The following MLIP variants were observed in gnomAD, a reference collection of about 807,000 sequenced individuals.
The protein encoded by MLIP is muscular LMNA interacting protein, also known as muscular LMNA-interacting protein.
MLIP carries 79 observed loss-of-function variants against 84.8 expected under a neutral mutation model. The ratio of observed to expected loss-of-function variants is 0.93; its 90% CI spans 0.78 to 1.12. The LOEUF (loss-of-function observed/expected upper bound fraction) is 1.12, where lower values mean the gene tolerates loss of function less well. Among genes scored for constraint, MLIP ranks in the 50% most tolerant of loss-of-function variants. MLIP has a pLI of 0.00. For missense variants in MLIP, 1,257 were observed against 1,160.6 expected, an observed-to-expected ratio of 1.08 and a Z score of -1.21; for synonymous variants, 504 against 463.0, an observed-to-expected ratio of 1.09 and a Z score of -1.14.
At chr6:54,114,240 T>C (rs1018418945) in intron 1 of MLIP, among the ~76,000 whole-genome samples, 3 of 152,232 alleles carry the variant, frequency 2.0e-5, no homozygotes, top group Non-Finnish European at 4.4e-5. Context: ...TCATCTAGTC[T>C]CCTGGTTTTA....
intron 3 of MLIP, among the ~76,000 whole-genome samples, chr6:54,134,983 G>GT (rs1220237941): frequency 2.0e-5 from 3 of 149,036 alleles, no homozygotes; most frequent in African/African-American, 2.4e-5. Context: ...TTTCTTTGTG[G>GT]TAAAAAAAAA....
At chr6:54,155,925 A>G (rs2150547024) in intron 5 of MLIP, among the ~76,000 whole-genome samples, 1 of 152,220 alleles carries the variant, frequency 6.6e-6, no homozygotes, top group Middle Eastern at 3.4e-3. Flanking sequence ...CTCAAAGAAT[A>G]TTCCATTTAT....
intron 1 of MLIP, chr6:54,083,748 G>T (rs1582099863): frequency 2.0e-6 from 2 of 1,022,598 alleles, no homozygotes; most frequent in East Asian, 5.3e-5. Context: ...TAGGTGGCAT[G>T]GCTGTTTATA....
chr6:54,215,286 G>T, intron 11 of MLIP: 1 of 1,463,890 alleles, frequency 6.8e-7, no homozygotes, highest in South Asian at 1.4e-5. Flanking sequence ...GACGATGATA[G>T]AATTCAATGG....
chr6:54,033,855 G>A (rs891547065), intron 1 of MLIP, among the ~76,000 whole-genome samples: 4 of 152,070 alleles, frequency 2.6e-5, no homozygotes, highest in African/African-American at 7.2e-5. Context: ...CTAATGTTTA[G>A]GCATCATGGA....
intron 4 of MLIP, among the ~76,000 whole-genome samples, 186 bp from the exon 5 acceptor site, chr6:54,148,870 G>C (rs1482979439): frequency 6.6e-6 from 1 of 152,044 alleles, no homozygotes; most frequent in East Asian, 1.9e-4. Context: ...GCATTTCTTC[G>C]CTTCTCATTC....
At chr6:54,214,817 A>G (rs1239529216) in intron 11 of MLIP, among the ~76,000 whole-genome samples, 2 of 152,214 alleles carry the variant, frequency 1.3e-5, no homozygotes, top group African/African-American at 4.8e-5. Context: ...ACAAAACTAG[A>G]AAACATTTAT....
chr6:54,199,827 A>G (rs1255871381), intron 10 of MLIP, among the ~76,000 whole-genome samples: 1 of 152,186 alleles, frequency 6.6e-6, no homozygotes, highest in Non-Finnish European at 1.5e-5. Context: ...GGACTAAAGA[A>G]AAAGGGAACA....
rs1321663673 is a variant in MLIP at position 54,065,654 on chromosome 6, G to GA, written c.63+46565dup. 2.0e-5 allele frequency among the ~76,000 whole-genome samples: 2 copies of GA among 99,704 alleles called. 1 individual carries two copies. The highest frequency in any genetic ancestry group is 5.8e-5 in the Non-Finnish European group (2 of 34,762). The allele number at this position is 99,704 out of a possible 152,430, so 65.4% of individuals were successfully genotyped here. A position where few individuals can be genotyped will look rare whatever the true frequency, so the allele number is the denominator to read the frequency against. On this transcript the variant is annotated intron_variant, in intron 1 of 12. Transcript: ENST00000274897. ...GGCAGGTCAATCTTAGACAGCATCT[G>GA]AAGCGGTTGGGTGGATTTTGGTTCC...
At chr6:54,141,710 G>T (rs960945907) in intron 4 of MLIP, among the ~76,000 whole-genome samples, 1 of 152,066 alleles carries the variant, frequency 6.6e-6, no homozygotes, top group African/African-American at 2.4e-5. Flanking sequence ...TCCCCAATCT[G>T]TTCTGCCTTC....
At chr6:54,094,020 T>C (rs995796512) in intron 1 of MLIP, among the ~76,000 whole-genome samples, 2 of 152,154 alleles carry the variant, frequency 1.3e-5, no homozygotes, top group African/African-American at 4.8e-5. Flanking sequence ...AATTTTAAAG[T>C]GGTAATGGTG....
chr6:54,033,245 C>G (rs1034785814), intron 1 of MLIP, among the ~76,000 whole-genome samples: 1 of 151,668 alleles, frequency 6.6e-6, no homozygotes, highest in South Asian at 2.1e-4. Flanking sequence ...GCTATTTTCC[C>G]ATTTTGCAGT....
At position 54,266,216 on chromosome 6, in the gene MLIP, G is replaced by T; in HGVS notation, c.*261G>T. On this transcript the variant is annotated 3_prime_UTR_variant, in exon 14 of 14. Coordinates refer to ENST00000502396, the MANE Select transcript of MLIP (RefSeq NM_001281747.2). ...AATGCCTTCTACTTAATATTAAGCT[G>T]ACCGCAATACTAACGTGCCCCTATA... 2.4e-6 allele frequency: 1 copy of T among 425,062 alleles called. No individual in the cohort carries two copies. The highest frequency in any genetic ancestry group is 4.2e-6 in the Non-Finnish European group (1 of 238,242). The allele number at this position is 425,062 out of a possible 1,614,324, so 26.3% of individuals were successfully genotyped here.
chr6:54,041,295 T>C (rs1403308527), intron 1 of MLIP, among the ~76,000 whole-genome samples: 1 of 152,126 alleles, frequency 6.6e-6, no homozygotes, highest in African/African-American at 2.4e-5. Context: ...ATTGTATCGG[T>C]GTTCCACAGT....
At chr6:54,027,477 A>G (rs887070045) in intron 1 of MLIP, among the ~76,000 whole-genome samples, 2 of 151,714 alleles carry the variant, frequency 1.3e-5, no homozygotes, top group Non-Finnish European at 2.9e-5. Context: ...TCTTTTATTC[A>G]TTCTCTTTCT....
intron 1 of MLIP, among the ~76,000 whole-genome samples, chr6:54,038,911 G>A (rs935313739): frequency 1.3e-5 from 2 of 151,704 alleles, no homozygotes; most frequent in South Asian, 2.1e-4. Context: ...TTCATATAAC[G>A]AAATTAGATT....
chr6:54,134,470 T>C (rs1280567231), intron 3 of MLIP, among the ~76,000 whole-genome samples: 1 of 151,888 alleles, frequency 6.6e-6, no homozygotes, highest in Non-Finnish European at 1.5e-5. Context: ...ATAAAAATTA[T>C]GTGCAGATTA....
intron 10 of MLIP, among the ~76,000 whole-genome samples, chr6:54,200,967 A>T (rs1164255559): frequency 6.6e-6 from 1 of 152,196 alleles, no homozygotes; most frequent in Non-Finnish European, 1.5e-5. Context: ...GAAAAGAGCT[A>T]ATTTACCATT....
chr6:54,083,403 G>T, intron 1 of MLIP: 1 of 1,416,690 alleles, frequency 7.1e-7, no homozygotes. Context: ...AGAGTTGTTG[G>T]GGAAGCAGGG....
Sources: gnomAD v4.1 joint callset for allele counts (sites outside exome capture counted in the v4.1 genomes callset) on GRCh38, gnomAD v4.1.1 for gene constraint, MANE v1.5 for transcripts, NCBI Gene and HGNC (gene_info 2026-07-23, HGNC 2026-07-21) for gene names.